The following CSMD1 variants were observed in gnomAD, a reference collection of about 807,000 sequenced individuals.
CSMD1 encodes CUB and Sushi multiple domains 1, also known as CUB and sushi domain-containing protein 1.
Under a neutral mutation model 417.5 loss-of-function variants are expected in CSMD1, and 213 were observed. The observed-to-expected ratio is 0.51, with a 90% CI of 0.46 to 0.57. The LOEUF is 0.57. Among genes scored for constraint, CSMD1 ranks in the 20% least tolerant of loss-of-function variants. The probability of loss-of-function intolerance (pLI) is 0.00; values close to 1 mark genes in which losing one functional copy is unlikely to be tolerated. For missense variants in CSMD1, 6,923 were observed against 4,529.7 expected (o/e 1.53, Z -15.17); for synonymous variants, 2,862 against 1,736.8 (o/e 1.65, Z -16.11).
intron 3 of CSMD1, among the ~76,000 whole-genome samples, chr8:4,256,256 G>C (rs898292306): frequency 1.3e-5 from 2 of 152,266 alleles, no homozygotes; most frequent in South Asian, 2.1e-4. Context: ...TCTGCTTTGA[G>C]TCCCTTAACA....
chr8:4,233,490 T>G (rs1372675167), intron 3 of CSMD1, among the ~76,000 whole-genome samples: 1 of 152,114 alleles, frequency 6.6e-6, no homozygotes, highest in African/African-American at 2.4e-5. Context: ...AGAAGGAGCT[T>G]TCATGAACGG....
At position 4,561,398 on chromosome 8, in the gene CSMD1, T is replaced by G. The variant is rs556623438; in HGVS notation, c.302+75944A>C. Among the ~76,000 whole-genome samples, 7 of 152,108 alleles carry G rather than the reference T, an allele frequency of 4.6e-5. No homozygotes were observed. In the East Asian group the frequency reaches 1.4e-3, roughly 29 times the overall value. On this transcript the variant is annotated intron_variant, in intron 2 of 69. Transcript: ENST00000635120. Reference sequence around the variant, plus strand: ...AAAAACAAAACAAAACAAAAAAAATTCTGGCCAGGCACAGTGGCTCATGCC... The same window carrying G: ...AAAAACAAAACAAAACAAAAAAAATGCTGGCCAGGCACAGTGGCTCATGCC...
intron 1 of CSMD1, among the ~76,000 whole-genome samples, chr8:4,730,341 T>C (rs571936125): frequency 2.6e-5 from 4 of 152,308 alleles, no homozygotes; most frequent in South Asian, 2.1e-4. Context: ...GCAGGCTATA[T>C]AGAAAGCCCT....
intron 5 of CSMD1, among the ~76,000 whole-genome samples, chr8:3,829,114 C>G (rs1172696563): frequency 2.6e-5 from 4 of 151,886 alleles, no homozygotes; most frequent in South Asian, 2.1e-4. Flanking sequence ...TTATGAGAAC[C>G]TGGTGCACCC....
intron 5 of CSMD1, among the ~76,000 whole-genome samples, chr8:3,889,195 C>G (rs1316689497): frequency 1.3e-5 from 2 of 151,554 alleles, no homozygotes; most frequent in South Asian, 2.1e-4. Context: ...TCGAACAAGA[C>G]TAACTTAGCA....
At chr8:3,815,640 T>C (rs1190787794) in intron 5 of CSMD1, among the ~76,000 whole-genome samples, 1 of 139,870 alleles carries the variant, frequency 7.1e-6, no homozygotes, top group Non-Finnish European at 1.6e-5. Flanking sequence ...TTTTTTTTTT[T>C]TAACAAATAA....
At chr8:4,652,156 T>C (rs1008400703) in intron 1 of CSMD1, among the ~76,000 whole-genome samples, 1 of 152,206 alleles carries the variant, frequency 6.6e-6, no homozygotes, top group Non-Finnish European at 1.5e-5. Flanking sequence ...CAATAAATTC[T>C]ATTCCCAATT....
chr8:4,135,609 G>C (rs751810512), intron 3 of CSMD1, among the ~76,000 whole-genome samples: 11 of 152,098 alleles, frequency 7.2e-5, no homozygotes, highest in Non-Finnish European at 1.5e-4. Flanking sequence ...GGAAAATTTA[G>C]TTTGCACTGT....
intron 55 of CSMD1, 109 bp from the exon 56 acceptor site, chr8:2,974,733 C>A (rs1585078472): frequency 6.1e-6 from 4 of 654,856 alleles, no homozygotes; most frequent in Non-Finnish European, 9.1e-6. Flanking sequence ...TAAAGAAAAA[C>A]ACCTAAATAT....
intron 2 of CSMD1, among the ~76,000 whole-genome samples, chr8:4,598,090 C>G (rs893265588): frequency 2.0e-5 from 3 of 151,992 alleles, no homozygotes; most frequent in African/African-American, 7.2e-5. Flanking sequence ...AAATAAAAAG[C>G]TAGAATAAAT....
intron 26 of CSMD1, among the ~76,000 whole-genome samples, chr8:3,255,211 G>C (rs1800561581): frequency 6.6e-6 from 1 of 152,120 alleles, no homozygotes; most frequent in South Asian, 2.1e-4. Flanking sequence ...GAATGTTGCT[G>C]CCTGACCATT....
At chr8:3,046,712 T>C (rs1269374464) in intron 50 of CSMD1, among the ~76,000 whole-genome samples, 2 of 152,168 alleles carry the variant, frequency 1.3e-5, no homozygotes, top group African/African-American at 2.4e-5. Flanking sequence ...CCAGGCAGCC[T>C]TCCCCGCAGC....
chr8:3,212,348 TA>T (rs2116803252), intron 30 of CSMD1, among the ~76,000 whole-genome samples: 1 of 152,294 alleles, frequency 6.6e-6, no homozygotes, highest in East Asian at 1.9e-4. Flanking sequence ...ATCACGATTT[TA>T]AAACACAAAA....
intron 5 of CSMD1, among the ~76,000 whole-genome samples, chr8:3,918,429 T>C (rs1464620): frequency 6.6e-6 from 1 of 152,004 alleles, no homozygotes; most frequent in African/African-American, 2.4e-5. Flanking sequence ...TTGATTTGCG[T>C]TTGTCTGATA....
At chr8:4,225,796 T>A (rs1801312837) in intron 3 of CSMD1, among the ~76,000 whole-genome samples, 1 of 152,140 alleles carries the variant, frequency 6.6e-6, no homozygotes, top group Non-Finnish European at 1.5e-5. Flanking sequence ...GAAATTAATA[T>A]TTTATTGCAT....
At chr8:3,831,483 T>C (rs546811831) in intron 5 of CSMD1, among the ~76,000 whole-genome samples, 4 of 152,198 alleles carry the variant, frequency 2.6e-5, no homozygotes, top group Non-Finnish European at 5.9e-5. Flanking sequence ...ATTGAGGTAC[T>C]GAAGCCCACA....
intron 3 of CSMD1, among the ~76,000 whole-genome samples, chr8:4,319,289 G>T (rs573040099): frequency 1.3e-5 from 2 of 151,928 alleles, no homozygotes; most frequent in Non-Finnish European, 2.9e-5. Flanking sequence ...TCCTTTCCTT[G>T]CTTTTAAACA....
At chr8:4,557,988 G>C (rs1437809865) in intron 2 of CSMD1, among the ~76,000 whole-genome samples, 2 of 152,096 alleles carry the variant, frequency 1.3e-5, no homozygotes, top group East Asian at 1.9e-4. Flanking sequence ...TTACTACAGT[G>C]ACCAGCTGCC....
At chr8:3,822,974 A>G (rs1257129835) in intron 5 of CSMD1, among the ~76,000 whole-genome samples, 1 of 152,168 alleles carries the variant, frequency 6.6e-6, no homozygotes, top group Non-Finnish European at 1.5e-5. Context: ...CTTTTTTAGT[A>G]TATTGCCCAG....
Sources: allele counts gnomAD v4.1 joint callset (sites outside exome capture counted in the v4.1 genomes callset), GRCh38; gene constraint gnomAD v4.1.1; transcripts MANE v1.5; gene names NCBI Gene and HGNC (gene_info 2026-07-23, HGNC 2026-07-21).